The following ZW10 variants were observed in gnomAD, a reference collection of about 807,000 sequenced individuals.
ZW10 encodes centromere/kinetochore protein zw10 homolog.
ZW10 carries 53 observed loss-of-function variants against 87.8 expected under a neutral mutation model. The ratio of observed to expected loss-of-function variants is 0.60; its 90% CI spans 0.48 to 0.76. The LOEUF (loss-of-function observed/expected upper bound fraction) is 0.76. Among genes scored for constraint, ZW10 ranks in the 30% least tolerant of loss-of-function variants. The pLI is 0.00. For missense variants in ZW10, 837 were observed against 923.0 expected (o/e 0.91, Z 1.21); for synonymous variants, 312 against 329.2 (o/e 0.95, Z 0.57).
intron 12 of ZW10, among the ~76,000 whole-genome samples, chr11:113,738,653 A>G (rs1461776001): frequency 6.6e-6 from 1 of 152,246 alleles, no homozygotes; most frequent in Non-Finnish European, 1.5e-5. Flanking sequence ...AAATTACTAT[A>G]GAAAAAGGAA....
intron 1 of ZW10, chr11:113,771,820 C>T (rs1192460415): frequency 6.6e-6 from 1 of 152,096 alleles, no homozygotes; most frequent in African/African-American, 2.4e-5. Flanking sequence ...AGGCGCACAC[C>T]ACCACGCCTG....
chr11:113,743,534 C>A (rs1337879464), intron 10 of ZW10, among the ~76,000 whole-genome samples: 1 of 152,126 alleles, frequency 6.6e-6, no homozygotes, highest in Non-Finnish European at 1.5e-5. Flanking sequence ...TTTTTAATGT[C>A]AAAAAAATCC....
At chr11:113,755,656 G>C (rs1953775821) in intron 7 of ZW10, among the ~76,000 whole-genome samples, 1 of 152,100 alleles carries the variant, frequency 6.6e-6, no homozygotes, top group South Asian at 2.1e-4. Flanking sequence ...GTTCTACTAG[G>C]GGTAAAATGC....
chr11:113,760,652 A>T (rs1953847738), intron 3 of ZW10, 62 bp from the exon 4 acceptor site: 2 of 1,411,470 alleles, frequency 1.4e-6, no homozygotes, highest in Admixed American at 1.9e-5. Flanking sequence ...GCTTTTAAAC[A>T]TTAAGAAATG....
Position 113,773,008 on chromosome 11 carries a change from A to G in ZW10, c.105+554T>C, listed in dbSNP as rs142065894. ...TAGATAGATACATAAAAATAAAAAC[A>G]TACTGAGGGTTTGGGTTTGTTTTTT... is the stretch of plus-strand genomic sequence containing the variant. On this transcript the variant is annotated intron_variant, in intron 1 of 15. Coordinates refer to ENST00000200135, the MANE Select transcript of ZW10 (RefSeq NM_004724.4). Among the ~76,000 whole-genome samples the G allele has an allele frequency of 3.0e-3, 438 of 146,376 alleles. 6 individuals are homozygous for G. The highest frequency in any genetic ancestry group is 0.026 in the East Asian group (133 of 5,020).
At chr11:113,760,613 T>G (rs772163530) in intron 3 of ZW10, 23 bp from the exon 4 acceptor site, 19 of 1,557,770 alleles carry the variant, frequency 1.2e-5, no homozygotes, top group Middle Eastern at 1.7e-4. Context: ...GTATAATATT[T>G]TATACATCCT....
At chr11:113,737,533 T>C (rs1020790354) in intron 14 of ZW10, 39 bp downstream of exon 14, 1 of 1,485,924 alleles carries the variant, frequency 6.7e-7, no homozygotes, top group Non-Finnish European at 9.1e-7. Flanking sequence ...GGGACATGAA[T>C]TGCATCTCAA....
chr11:113,733,449 A>T lies in ZW10; in HGVS notation c.*245T>A. On this transcript the variant is annotated 3_prime_UTR_variant, in exon 16 of 16. Coordinates refer to ENST00000200135, the MANE Select transcript of ZW10 (RefSeq NM_004724.4). ...ATGCTGCCTGACAGTTTGTTAGCTAATCAAAGGAAGATGGCTAGAAAGTCA... is the reference window on the plus strand; with the variant it reads ...ATGCTGCCTGACAGTTTGTTAGCTATTCAAAGGAAGATGGCTAGAAAGTCA... 1 of 487,430 alleles carries T rather than the reference A, an allele frequency of 2.1e-6. No individual in the cohort carries two copies. Among genetic ancestry groups the T allele is most frequent in the Non-Finnish European group, 3.6e-6 (1 of 276,170 alleles). 30.2% of individuals were successfully genotyped at this position (487,430 alleles called of 1,614,324 possible). A position where few individuals can be genotyped will look rare whatever the true frequency, so the allele number is the denominator to read the frequency against.
At chr11:113,766,921 G>A (rs1229738736) in intron 2 of ZW10, among the ~76,000 whole-genome samples, 1 of 151,846 alleles carries the variant, frequency 6.6e-6, no homozygotes, top group African/African-American at 2.4e-5. Context: ...CGAGGCTGAG[G>A]CAGGAGAATT....
At position 113,760,236 on chromosome 11, in the gene ZW10, T is replaced by G. The variant is rs750504933; in HGVS notation, c.553A>C (p.Ile185Leu). The part of the protein sequence containing the change: ...YHLGEEWQKL[I>L]VWKFPPSKDT... ...TTTGATGGTGGGAACTTCCATACAA[T>G]CAGCTTCTGCCACTCTTCTCCAAGG... Residue 185 changes from isoleucine (I) to leucine (L), a missense_variant, in exon 5 of 16, where the codon ATT becomes CTT. Ile to Leu is a conservative substitution (Grantham distance 5, BLOSUM62 2). Coordinates refer to ENST00000200135, the MANE Select transcript of ZW10 (RefSeq NM_004724.4). The G allele has an allele frequency of 5.6e-6, 9 of 1,614,062 alleles. No homozygotes were observed. Among genetic ancestry groups the G allele is most frequent in the Admixed American group, 1.7e-5 (1 of 59,994 alleles).
At chr11:113,757,987 C>G (rs1441194337) in intron 6 of ZW10, 134 bp from the exon 7 acceptor site, 2 of 597,688 alleles carry the variant, frequency 3.3e-6, no homozygotes, top group Non-Finnish European at 5.4e-6. Context: ...GCCTGGCCAA[C>G]ATGGTGAGAT....
intron 3 of ZW10, 95 bp downstream of exon 3, chr11:113,760,722 G>C: frequency 2.7e-6 from 2 of 741,082 alleles, no homozygotes; most frequent in South Asian, 4.0e-5. Context: ...AAAAAAATAT[G>C]AAGACAAAAA....
chr11:113,763,165 C>T (rs1178136776), intron 2 of ZW10, among the ~76,000 whole-genome samples: 3 of 152,176 alleles, frequency 2.0e-5, no homozygotes, highest in African/African-American at 7.2e-5. Flanking sequence ...TGGCTTCCAG[C>T]TTCATCCATA....
rs1172045449 is a variant in ZW10, at chr11:113,738,143, T to G, written c.1884+121A>C. On this transcript the variant is annotated intron_variant, in intron 13 of 15. Coordinates refer to ENST00000200135, the MANE Select transcript of ZW10 (RefSeq NM_004724.4). ...AAAAGGTATCTAGATTTTCCAAAGG[T>G]GGGGGTGCAGGGAATCAACTGAATA... 3 of 1,112,124 alleles carry G rather than the reference T, an allele frequency of 2.7e-6. No individual in the cohort carries two copies. In the African/African-American group the frequency reaches 4.8e-5, roughly 18 times the overall value. 68.9% of individuals were successfully genotyped at this position (1,112,124 alleles called of 1,614,324 possible).
chr11:113,738,448 C>A, intron 12 of ZW10, 54 bp from the exon 13 acceptor site: 1 of 1,562,072 alleles, frequency 6.4e-7, no homozygotes, highest in Non-Finnish European at 8.7e-7. Context: ...TTACACACTG[C>A]AAAACCAGGA....
chr11:113,754,727 A>C (rs79643524), intron 7 of ZW10, among the ~76,000 whole-genome samples: 12,950 of 152,086 alleles, frequency 0.085, 597 homozygotes, highest in Middle Eastern at 0.17. Context: ...GCCTCAGCTT[A>C]CCAAGTAGCA....
intron 5 of ZW10, among the ~76,000 whole-genome samples, chr11:113,758,937 G>A (rs1339198274): frequency 6.6e-6 from 1 of 152,220 alleles, no homozygotes; most frequent in Non-Finnish European, 1.5e-5. Context: ...ACTTTGGGAG[G>A]TCGAGGCGGG....
chr11:113,760,514 T>C lies in ZW10; in HGVS notation c.419A>G (p.Glu140Gly). ...KYVTGAQRLE[E>G]AQKCLKLLKS... ...TGCTTTGGGGAGAGCATTTAGTACCTCTTCCAGACGCTGAGCACCAGTGAC... is the reference window on the plus strand; with the variant it reads ...TGCTTTGGGGAGAGCATTTAGTACCCCTTCCAGACGCTGAGCACCAGTGAC... The change falls in exon 4 of 16, where the codon GAG (glutamate) becomes GGG (glycine). Residue 140 changes from glutamate to glycine, a missense_variant and splice_region_variant. Physicochemically the swap from Glu to Gly is moderately conservative, Grantham distance 98. Coordinates refer to ENST00000200135, the MANE Select transcript of ZW10 (RefSeq NM_004724.4). 1.9e-6 allele frequency: 3 copies of C among 1,613,244 alleles called. No homozygotes were observed. The highest frequency in any genetic ancestry group is 2.5e-6 in the Non-Finnish European group (3 of 1,179,576).
At position 113,738,646 on chromosome 11, in the gene ZW10, T is replaced by G. The variant is rs147665784; in HGVS notation, c.1754-252A>C. The stretch of plus-strand genomic sequence containing the variant: ...TAGAGCCCGAGTCAGCTAAGAAAAA[T>G]TACTATAGAAAAAGGAACTACTTAT... On this transcript the variant is annotated intron_variant, in intron 12 of 15. Transcript: ENST00000200135. 3.7e-3 allele frequency among the ~76,000 whole-genome samples: 556 copies of G among 152,172 alleles called. 3 individuals carry two copies. Among genetic ancestry groups the G allele is most frequent in the Middle Eastern group, 6.8e-3 (2 of 294 alleles).
Sources: gnomAD v4.1 joint callset for allele counts (sites outside exome capture counted in the v4.1 genomes callset) on GRCh38, gnomAD v4.1.1 for gene constraint, MANE v1.5 for transcripts, NCBI Gene and HGNC (gene_info 2026-07-23, HGNC 2026-07-21) for gene names.